Variants in LPGAT1 observed in about 807,000 individuals in gnomAD.
LPGAT1 encodes acyl-CoA:lysophosphatidylglycerol acyltransferase 1.
A neutral mutation model predicts 47.5 loss-of-function variants in LPGAT1; 11 were observed. The observed-to-expected ratio is 0.23, with a 90% CI of 0.15 to 0.38. The LOEUF (loss-of-function observed/expected upper bound fraction) is 0.38. LPGAT1 is among the 10% of genes least tolerant of loss of function. LPGAT1 has a pLI of 1.00. For synonymous variants in LPGAT1, 138 were observed against 144.2 expected (o/e 0.96, Z 0.31); for missense variants, 293 against 439.0 (o/e 0.67, Z 2.97).
chr1:211,800,751 T>C (rs1038798968), intron 2 of LPGAT1, among the ~76,000 whole-genome samples: 5 of 152,218 alleles, frequency 3.3e-5, no homozygotes, highest in Admixed American at 6.5e-5. Context: ...GTTAAAATTA[T>C]GTCAATATAA....
chr1:211,751,881 T>G (rs534625477), intron 6 of LPGAT1, among the ~76,000 whole-genome samples: 3 of 151,984 alleles, frequency 2.0e-5, no homozygotes, highest in Non-Finnish European at 2.9e-5. Flanking sequence ...CAGAATTGAT[T>G]ATCACCTCTT....
chr1:211,807,696 T>C (rs1258516184), intron 2 of LPGAT1, among the ~76,000 whole-genome samples: 1 of 152,186 alleles, frequency 6.6e-6, no homozygotes, highest in East Asian at 1.9e-4. Flanking sequence ...AAAAAAAATG[T>C]GAACCTTGAC....
At chr1:211,753,060 T>TCCC (rs1189563186) in intron 6 of LPGAT1, among the ~76,000 whole-genome samples, 1 of 152,154 alleles carries the variant, frequency 6.6e-6, no homozygotes, top group African/African-American at 2.4e-5. Context: ...TCCTAAGCAA[T>TCCC]CCCCTTGCAT....
chr1:211,795,358 T>A (rs1659307370), intron 2 of LPGAT1, among the ~76,000 whole-genome samples: 1 of 152,090 alleles, frequency 6.6e-6, no homozygotes, highest in Admixed American at 6.6e-5. Flanking sequence ...TAGTTGTGTT[T>A]TTTGTTTGTT....
chr1:211,822,088 T>C (rs755601157), intron 2 of LPGAT1, among the ~76,000 whole-genome samples: 36 of 152,296 alleles, frequency 2.4e-4, no homozygotes, highest in East Asian at 5.8e-4. Flanking sequence ...AACAAAAGGA[T>C]TGGCAAAGAT....
rs371362037 is a variant in LPGAT1 at position 211,818,124 on chromosome 1, C to T, written c.238+10935G>A. Among the ~76,000 whole-genome samples, 19 of 152,246 alleles carry T rather than the reference C, an allele frequency of 1.2e-4. 1 individual carries two copies. The South Asian group carries it at 3.3e-3, about 27-fold the overall frequency. On this transcript the variant is annotated intron_variant, in intron 2 of 7. Coordinates refer to ENST00000366997, the MANE Select transcript of LPGAT1 (RefSeq NM_014873.3). ...TGCTAGGATTACACGCGTGAACCAC[C>T]GTACCCAGCCAACTTTCAGTTTTTA...
At position 211,744,660 on chromosome 1, in the gene LPGAT1, TTATTTG is replaced by T. The variant is rs1297754593; in HGVS notation, c.*5233_*5238del. ...TTTACAATAAAGTATTTGTATCTTA[TTATTTG>T]TTAATTGTGTTATATGTTCTTGCTA... is the stretch of plus-strand genomic sequence containing the variant. On this transcript the variant is annotated 3_prime_UTR_variant, in exon 8 of 8. Coordinates refer to ENST00000366997, the MANE Select transcript of LPGAT1 (RefSeq NM_014873.3). The T allele has an allele frequency of 6.6e-6, 1 of 152,266 alleles. No homozygotes were observed. Among genetic ancestry groups the T allele is most frequent in the East Asian group, 1.9e-4 (1 of 5,208 alleles). 9.4% of individuals were successfully genotyped at this position (152,266 alleles called of 1,614,324 possible).
chr1:211,819,221 C>T (rs1474066932), intron 2 of LPGAT1, among the ~76,000 whole-genome samples: 3 of 152,100 alleles, frequency 2.0e-5, no homozygotes, highest in South Asian at 2.1e-4. Context: ...AGGCCGGGTG[C>T]GGTGGCTCAT....
At chr1:211,820,361 A>G (rs1571768095) in intron 2 of LPGAT1, among the ~76,000 whole-genome samples, 1 of 152,210 alleles carries the variant, frequency 6.6e-6, no homozygotes, top group Admixed American at 6.5e-5. Flanking sequence ...GTCAGAGTAC[A>G]CTAAAAAAAA....
chr1:211,782,577 A>G (rs1200341269), intron 5 of LPGAT1, among the ~76,000 whole-genome samples: 1 of 152,114 alleles, frequency 6.6e-6, no homozygotes, highest in Non-Finnish European at 1.5e-5. Flanking sequence ...CTACAAAACA[A>G]CTAAAGAATT....
Position 211,829,284 on chromosome 1 carries a change from A to C in LPGAT1, c.13T>G (p.Leu5Val), listed in dbSNP as rs752732866. The change falls in exon 2 of 8, where the codon TTG (leucine) becomes GTG (valine). Residue 5 changes from leucine (L) to valine (V), a missense_variant. Leu to Val is a conservative substitution (Grantham distance 32). Coordinates refer to ENST00000366997, the MANE Select transcript of LPGAT1 (RefSeq NM_014873.3). MAIT[L>V]EEAPWLGWLL... ...CAGCCCAGCCACGGAGCTTCTTCCA[A>C]AGTTATAGCCATTCTCACACTGGAC... 6.2e-7 allele frequency: 1 copy of C among 1,614,182 alleles called. No individual in the cohort carries two copies. The highest frequency in any genetic ancestry group is 8.5e-7 in the Non-Finnish European group (1 of 1,180,030).
intron 2 of LPGAT1, among the ~76,000 whole-genome samples, chr1:211,824,217 T>C (rs888056721): frequency 1.2e-4 from 19 of 152,128 alleles, no homozygotes; most frequent in African/African-American, 3.4e-4. Flanking sequence ...GCCAACATGG[T>C]GAAACCTTGT....
intron 1 of LPGAT1, chr1:211,829,553 A>T: frequency 7.3e-7 from 1 of 1,372,924 alleles, no homozygotes; most frequent in Non-Finnish European, 9.4e-7. Context: ...AGTATGTCAC[A>T]ATATATTTAG....
intron 6 of LPGAT1, among the ~76,000 whole-genome samples, chr1:211,753,617 T>A (rs181747538): frequency 3.9e-5 from 6 of 152,348 alleles, no homozygotes; most frequent in Non-Finnish European, 7.3e-5. Context: ...TTTTAAATTA[T>A]AATGGAAATT....
At chr1:211,810,092 A>T (rs1334170341) in intron 2 of LPGAT1, among the ~76,000 whole-genome samples, 1 of 152,150 alleles carries the variant, frequency 6.6e-6, no homozygotes, top group East Asian at 1.9e-4. Flanking sequence ...GAAGAAACGT[A>T]ACTCTATGGT....
At chr1:211,811,568 C>T (rs1464390322) in intron 2 of LPGAT1, among the ~76,000 whole-genome samples, 1 of 152,098 alleles carries the variant, frequency 6.6e-6, no homozygotes, top group Non-Finnish European at 1.5e-5. Flanking sequence ...ACCAGCCTGG[C>T]CAACATGATG....
chr1:211,743,767 G>A lies in LPGAT1; in HGVS notation c.*6132C>T, dbSNP rs1656840337. On this transcript the variant is annotated 3_prime_UTR_variant, in exon 8 of 8. Transcript: ENST00000366997. ...GTCTTCCACAGAAAGTAGTTCCAGG[G>A]GAAAAAGAAATTAGAATCTCACCAA... is the stretch of plus-strand genomic sequence containing the variant. 6.6e-6 allele frequency: 1 copy of A among 151,842 alleles called. No individual in the cohort carries two copies. 9.4% of individuals were successfully genotyped at this position (151,842 alleles called of 1,614,324 possible).
At position 211,748,306 on chromosome 1, in the gene LPGAT1, C is replaced by T. The variant is rs1657025748; in HGVS notation, c.*1593G>A. 6.6e-6 allele frequency: 1 copy of T among 152,490 alleles called. No homozygotes were observed. Among genetic ancestry groups the T allele is most frequent in the African/African-American group, 2.4e-5 (1 of 41,448 alleles). The allele number at this position is 152,490 out of a possible 1,614,324, so 9.4% of individuals were successfully genotyped here. ...AGCACTTTTGGAGAAGGGTGTGGTT[C>T]TCTTATGAGGTAAATTGTACAAACA... On this transcript the variant is annotated 3_prime_UTR_variant, in exon 8 of 8. Coordinates refer to ENST00000366997, the MANE Select transcript of LPGAT1 (RefSeq NM_014873.3).
In LPGAT1 at chr1:211,829,092, C is replaced by T. The variant is rs1660634124; in HGVS notation, c.205G>A (p.Val69Ile). The T allele has an allele frequency of 1.9e-6, 3 of 1,614,148 alleles. No individual in the cohort carries two copies. The highest frequency in any genetic ancestry group is 2.5e-6 in the Non-Finnish European group (3 of 1,180,036). Residue 69 changes from valine (V) to isoleucine (I), a missense_variant, in exon 2 of 8, where the codon GTA becomes ATA. Coordinates refer to ENST00000366997, the MANE Select transcript of LPGAT1 (RefSeq NM_014873.3). ...CCAGCATACCATCCCCAGGAAGCTA[C>T]CATTCCTAAAAGCCATTTATACATG... ...GIMYKWLLGM[V>I]ASWGWYAGYT...
Sources: gnomAD v4.1 joint callset for allele counts (sites outside exome capture counted in the v4.1 genomes callset) on GRCh38, gnomAD v4.1.1 for gene constraint, MANE v1.5 for transcripts, NCBI Gene and HGNC (gene_info 2026-07-23, HGNC 2026-07-21) for gene names.